SCLT1: variants seen among roughly 807,000 people sequenced by gnomAD.
The protein encoded by SCLT1 is sodium channel and clathrin linker 1, also known as sodium channel-associated protein 1.
SCLT1 carries 78 observed loss-of-function variants against 112.8 expected under a neutral mutation model. The observed-to-expected ratio is 0.69, with a 90% confidence interval of 0.58 to 0.83. The LOEUF (loss-of-function observed/expected upper bound fraction) is 0.83, where lower values mean the gene tolerates loss of function less well. Ranked by LOEUF, SCLT1 falls within the 40% of genes least tolerant of loss-of-function variation. SCLT1 has a pLI of 0.00. For synonymous variants in SCLT1, 257 were observed against 254.7 expected, an observed-to-expected ratio of 1.01 and a Z score of -0.09; for missense variants, 747 against 770.4, an observed-to-expected ratio of 0.97 and a Z score of 0.36.
At chr4:128,977,359 A>G (rs569822469) in intron 9 of SCLT1, among the ~76,000 whole-genome samples, 1 of 152,314 alleles carries the variant, frequency 6.6e-6, no homozygotes, top group South Asian at 2.1e-4. Context: ...TATACCAAGT[A>G]CTGTCTATTG....
intron 12 of SCLT1, among the ~76,000 whole-genome samples, chr4:128,958,285 C>G (rs921375): frequency 0.28 from 42,829 of 152,008 alleles, 6,268 homozygotes; most frequent in South Asian, 0.35. Context: ...GAAGTAACAG[C>G]TGTTCTTATG....
At chr4:128,923,094 T>C (rs1736004098) in intron 18 of SCLT1, among the ~76,000 whole-genome samples, 1 of 152,102 alleles carries the variant, frequency 6.6e-6, no homozygotes, top group South Asian at 2.1e-4. Context: ...CCATTTTGAG[T>C]GTAGAGTTTG....
intron 18 of SCLT1, among the ~76,000 whole-genome samples, chr4:128,929,332 C>T (rs1736566952): frequency 6.6e-6 from 1 of 152,094 alleles, no homozygotes; most frequent in South Asian, 2.1e-4. Context: ...AGTTATTTCA[C>T]GTCCATAGAT....
At chr4:128,985,502 C>G (rs988046468) in intron 9 of SCLT1, among the ~76,000 whole-genome samples, 1 of 152,014 alleles carries the variant, frequency 6.6e-6, no homozygotes, top group South Asian at 2.1e-4. Flanking sequence ...TTATTCATAT[C>G]GTTTGCCTAA....
At chr4:129,000,973 C>T (rs1327916835) in intron 6 of SCLT1, among the ~76,000 whole-genome samples, 1 of 151,474 alleles carries the variant, frequency 6.6e-6, no homozygotes, top group Non-Finnish European at 1.5e-5. Flanking sequence ...AAACTGTAGG[C>T]TAATTAAAAA....
chr4:128,892,169 C>T (rs985225302), intron 18 of SCLT1, among the ~76,000 whole-genome samples: 8 of 152,248 alleles, frequency 5.3e-5, no homozygotes, highest in South Asian at 4.1e-4. Context: ...TCTTGTTCAA[C>T]GTATAAGTAT....
intron 12 of SCLT1, among the ~76,000 whole-genome samples, chr4:128,958,596 A>G (rs2126012008): frequency 6.6e-6 from 1 of 152,250 alleles, no homozygotes; most frequent in Non-Finnish European, 1.5e-5. Flanking sequence ...TTGGTATAAG[A>G]GTGCTCATAC....
At position 128,923,713 on chromosome 4, in the gene SCLT1, T is replaced by G. The variant is rs190323192; in HGVS notation, c.1829+12942A>C. ...TCAGTGGTTTGTTCCTTTTTATTTC[T>G]GAGTGTTTATCCATGCACCTGGTGA... On this transcript the variant is annotated intron_variant, in intron 18 of 20. Coordinates refer to ENST00000281142, the MANE Select transcript of SCLT1 (RefSeq NM_144643.4). Among the ~76,000 whole-genome samples the G allele has an allele frequency of 8.0e-4, 122 of 152,250 alleles. 2 individuals carry two copies. Among genetic ancestry groups the G allele is most frequent in the African/African-American group, 2.9e-3 (121 of 41,504 alleles).
At chr4:129,053,556 G>GTTTTTTTTTTTT (rs1749035905) in intron 2 of SCLT1, among the ~76,000 whole-genome samples, 1 of 32,418 alleles carries the variant, frequency 3.1e-5, no homozygotes, top group African/African-American at 1.3e-4. Flanking sequence ...TGCAATCCCT[G>GTTTTTTTTTTTT]ATTTTTTTTT....
chr4:129,072,986 T>C (rs1021778746), intron 2 of SCLT1, among the ~76,000 whole-genome samples: 10 of 152,166 alleles, frequency 6.6e-5, no homozygotes, highest in South Asian at 2.1e-4. Flanking sequence ...CTTTTGTCCC[T>C]TGGGGTGTTC....
intron 5 of SCLT1, among the ~76,000 whole-genome samples, chr4:129,010,161 A>C (rs1333177249): frequency 2.0e-5 from 3 of 152,166 alleles, no homozygotes; most frequent in Non-Finnish European, 4.4e-5. Context: ...TCTCAGCACC[A>C]TTTATTGAAT....
intron 18 of SCLT1, among the ~76,000 whole-genome samples, chr4:128,934,481 T>A (rs1354035524): frequency 6.6e-6 from 1 of 151,904 alleles, no homozygotes; most frequent in Non-Finnish European, 1.5e-5. Flanking sequence ...TATTTAGCAT[T>A]CTAATTAATA....
chr4:128,943,211 A>G (rs1432036817), intron 16 of SCLT1, 23 bp from the exon 17 acceptor site: 1 of 1,520,100 alleles, frequency 6.6e-7, no homozygotes. Flanking sequence ...CGAAATGAAA[A>G]GAATCCTTAA....
At chr4:129,087,390 C>G (rs904991045) in intron 1 of SCLT1, among the ~76,000 whole-genome samples, 21 of 151,972 alleles carry the variant, frequency 1.4e-4, no homozygotes, top group Non-Finnish European at 2.9e-4. Flanking sequence ...TTTATACATA[C>G]TCTTACAGAA....
chr4:129,025,347 T>A (rs905303148), intron 5 of SCLT1, among the ~76,000 whole-genome samples: 1 of 152,166 alleles, frequency 6.6e-6, no homozygotes, highest in Non-Finnish European at 1.5e-5. Flanking sequence ...TAACAGCGGA[T>A]CTCTTGGCAG....
intron 18 of SCLT1, among the ~76,000 whole-genome samples, chr4:128,906,616 A>G (rs776130814): frequency 2.0e-5 from 3 of 152,232 alleles, no homozygotes; most frequent in African/African-American, 7.2e-5. Flanking sequence ...CTTATTTTAA[A>G]GTTATTTGAA....
intron 5 of SCLT1, among the ~76,000 whole-genome samples, chr4:129,005,924 C>T (rs1037389358): frequency 6.7e-6 from 1 of 149,148 alleles, no homozygotes; most frequent in Admixed American, 6.7e-5. Context: ...GGACAAAAAA[C>T]CAAACACCGC....
intron 5 of SCLT1, among the ~76,000 whole-genome samples, chr4:129,004,558 TA>T (rs1743826598): frequency 6.6e-6 from 1 of 152,014 alleles, no homozygotes; most frequent in African/African-American, 2.4e-5. Context: ...TTTAAAATAA[TA>T]CATACTTAAG....
intron 17 of SCLT1, among the ~76,000 whole-genome samples, chr4:128,939,188 T>C (rs1222178864): frequency 1.3e-5 from 2 of 152,200 alleles, no homozygotes; most frequent in Non-Finnish European, 2.9e-5. Context: ...ACTATTCCCT[T>C]GCCTTTCTTT....
Sources: gnomAD v4.1 joint callset for allele counts (sites outside exome capture counted in the v4.1 genomes callset) on GRCh38, gnomAD v4.1.1 for gene constraint, MANE v1.5 for transcripts, NCBI Gene and HGNC (gene_info 2026-07-23, HGNC 2026-07-21) for gene names.